The following TENM4 variants were observed in gnomAD, a reference collection of about 807,000 sequenced individuals.
TENM4 encodes the protein teneurin-4.
In TENM4, 82 loss-of-function variants were observed where a neutral mutation model predicts 243.3. The observed-to-expected ratio is 0.34, with a 90% CI of 0.28 to 0.40. The LOEUF is 0.40. Ranked by LOEUF, TENM4 falls within the 10% of genes least tolerant of loss-of-function variation. The probability of loss-of-function intolerance (pLI) is 1.00; values close to 1 mark genes in which losing one functional copy is unlikely to be tolerated. For missense variants in TENM4, 3,138 were observed against 3,673.3 expected (o/e 0.85, Z 3.77); for synonymous variants, 1,412 against 1,456.3 (o/e 0.97, Z 0.69).
rs931359782 is a variant in TENM4 at position 79,164,661 on chromosome 11, G to A, written c.-162-15855C>T. Among the ~76,000 whole-genome samples, 27 of 149,336 alleles carry A rather than the reference G, an allele frequency of 1.8e-4. No homozygotes were observed. The South Asian group carries it at 2.3e-3, about 13-fold the overall frequency. ...TTGACTTGTATCTCCCAGAATTCCC[G>A]TGTGTTATGGGAGGGACACAGGGGG... On this transcript the variant is annotated intron_variant, in intron 3 of 33. Coordinates refer to ENST00000278550, the MANE Select transcript of TENM4 (RefSeq NM_001098816.3).
intron 6 of TENM4, among the ~76,000 whole-genome samples, chr11:79,006,597 G>A (rs1417439646): frequency 6.6e-6 from 1 of 152,104 alleles, no homozygotes; most frequent in African/African-American, 2.4e-5. Context: ...GATAGGTTAA[G>A]TCAATCACCA....
chr11:79,027,475 G>C (rs866561015), intron 6 of TENM4, among the ~76,000 whole-genome samples: 2 of 152,206 alleles, frequency 1.3e-5, no homozygotes, highest in Non-Finnish European at 1.5e-5. Flanking sequence ...ATGTAGGTTA[G>C]GTGGCCACAG....
At position 78,856,017 on chromosome 11, in the gene TENM4, C is replaced by T; in HGVS notation, c.1417G>A (p.Ala473Thr). ...HLKFNVSLGK[A>T]ALVGIYGRKG... ...CTGCCATAAATGCCAACCAGGGCTG[C>T]CTTTCCCAGAGACACATTGAATTTC... is the stretch of plus-strand genomic sequence containing the variant. Residue 473 changes from alanine to threonine, a missense_variant, in exon 11 of 34, where the codon GCA (alanine) becomes ACA (threonine). Around this residue, in one of 2 missense-constraint regions of TENM4, gnomAD observed 2,467 missense variants for 3,059.1 expected, o/e 0.81. Transcript: ENST00000278550. The T allele has an allele frequency of 6.4e-7, 1 of 1,551,728 alleles. No homozygotes were observed.
chr11:79,296,527 C>A (rs1207558851), intron 2 of TENM4, among the ~76,000 whole-genome samples: 1 of 152,226 alleles, frequency 6.6e-6, no homozygotes, highest in Non-Finnish European at 1.5e-5. Context: ...GAATCCCTTG[C>A]AGAAAATTAT....
chr11:78,929,239 C>T (rs888850145), intron 6 of TENM4, among the ~76,000 whole-genome samples: 3 of 152,146 alleles, frequency 2.0e-5, no homozygotes, highest in Non-Finnish European at 4.4e-5. Context: ...AGGGTGAACA[C>T]GGCTGTCAGC....
intron 6 of TENM4, among the ~76,000 whole-genome samples, chr11:78,944,563 T>C (rs559992982): frequency 3.9e-5 from 6 of 152,222 alleles, no homozygotes; most frequent in Non-Finnish European, 7.3e-5. Context: ...ATTTTTATCA[T>C]CTATTTGAAG....
intron 2 of TENM4, among the ~76,000 whole-genome samples, chr11:79,266,525 CAGGCCCTTATCTTTGCTACTGGTGTCAGT>C (rs535305443): frequency 1.1e-3 from 161 of 152,316 alleles, no homozygotes; most frequent in African/African-American, 3.7e-3. Flanking sequence ...CTGAAAGGCA[CAGGCCCTTATCTTTGCTACTGGTGTCAGT>C]AGGCCCTTAT....
chr11:79,339,297 G>A (rs771905432), intron 1 of TENM4, among the ~76,000 whole-genome samples: 1 of 152,214 alleles, frequency 6.6e-6, no homozygotes, highest in African/African-American at 2.4e-5. Flanking sequence ...CTATAGGGCC[G>A]GCTAGGATGC....
chr11:79,110,487 T>C (rs1367965537), intron 4 of TENM4, among the ~76,000 whole-genome samples: 2 of 152,196 alleles, frequency 1.3e-5, no homozygotes, highest in Admixed American at 6.5e-5. Context: ...TGGAGAGGAA[T>C]GCATGCTGGT....
At chr11:78,793,894 G>A (rs1230627349) in intron 15 of TENM4, among the ~76,000 whole-genome samples, 1 of 152,252 alleles carries the variant, frequency 6.6e-6, no homozygotes. Flanking sequence ...TGCCATATGA[G>A]TGTATCCCCT....
intron 16 of TENM4, among the ~76,000 whole-genome samples, chr11:78,779,077 G>C (rs981898299): frequency 6.6e-6 from 1 of 152,196 alleles, no homozygotes; most frequent in Non-Finnish European, 1.5e-5. Flanking sequence ...ACCCCATCTC[G>C]GCAGAGGCCT....
At chr11:79,439,663 CCACACACACACA>C (rs141828517) in intron 1 of TENM4, among the ~76,000 whole-genome samples, 2 of 146,726 alleles carry the variant, frequency 1.4e-5, no homozygotes, top group Non-Finnish European at 3.0e-5. Flanking sequence ...GTGTGTGTGT[CCACACACACACA>C]CACACACACA....
chr11:79,253,228 A>C (rs1855642416), intron 2 of TENM4, among the ~76,000 whole-genome samples: 2 of 152,202 alleles, frequency 1.3e-5, no homozygotes, highest in Admixed American at 6.5e-5. Context: ...CACTGGGGCC[A>C]AAAACATAAA....
chr11:78,988,837 G>A (rs974090821), intron 6 of TENM4, among the ~76,000 whole-genome samples: 3 of 152,144 alleles, frequency 2.0e-5, no homozygotes, highest in Non-Finnish European at 4.4e-5. Flanking sequence ...ACCATACCCG[G>A]CTAATTTGTT....
chr11:78,884,426 G>A (rs770840473), intron 9 of TENM4, among the ~76,000 whole-genome samples: 1 of 149,432 alleles, frequency 6.7e-6, no homozygotes, highest in Non-Finnish European at 1.5e-5. Context: ...GGTCTGAGGT[G>A]AGATCTTTTG....
intron 2 of TENM4, among the ~76,000 whole-genome samples, chr11:79,289,631 A>G (rs1856319766): frequency 8.5e-5 from 13 of 152,214 alleles, no homozygotes; most frequent in Admixed American, 8.5e-4. Flanking sequence ...ACTCCCTTAC[A>G]GGTGCTGATC....
rs1372205613 is a variant in TENM4 at position 79,249,853 on chromosome 11, C to T, written c.-264-33944G>A. 2.6e-5 allele frequency among the ~76,000 whole-genome samples: 4 copies of T among 152,196 alleles called. No individual in the cohort carries two copies. In the South Asian group the frequency reaches 6.2e-4, roughly 24 times the overall value. ...AGAAGATGTATGTCAGGTGACTATT[C>T]CAGTAACTGGCACCAAATAGGAGCT... is the stretch of plus-strand genomic sequence containing the variant. On this transcript the variant is annotated intron_variant, in intron 2 of 33. Coordinates refer to ENST00000278550, the MANE Select transcript of TENM4 (RefSeq NM_001098816.3).
chr11:79,018,305 G>T (rs2136787500), intron 6 of TENM4, among the ~76,000 whole-genome samples: 1 of 152,206 alleles, frequency 6.6e-6, no homozygotes, highest in Middle Eastern at 3.4e-3. Context: ...ATATTATCTG[G>T]CTACCCTAAC....
At chr11:79,014,100 A>T (rs984063872) in intron 6 of TENM4, among the ~76,000 whole-genome samples, 1 of 152,248 alleles carries the variant, frequency 6.6e-6, no homozygotes, top group East Asian at 1.9e-4. Flanking sequence ...TGTGGCACAC[A>T]GTAGGCAGTC....
Sources: allele counts gnomAD v4.1 joint callset (sites outside exome capture counted in the v4.1 genomes callset), GRCh38; gene constraint gnomAD v4.1.1; regional missense constraint gnomAD v4.1.1; transcripts MANE v1.5; gene names NCBI Gene and HGNC (gene_info 2026-07-23, HGNC 2026-07-21).